The following KIF26A variants were observed in gnomAD, a reference collection of about 807,000 sequenced individuals.
The protein encoded by KIF26A is kinesin-like protein KIF26A.
A neutral mutation model predicts 126.0 loss-of-function variants in KIF26A; 74 were observed. The ratio of observed to expected loss-of-function variants is 0.59; its 90% confidence interval spans 0.49 to 0.71. The LOEUF is 0.71. Ranked by LOEUF, KIF26A falls within the 30% of genes least tolerant of loss-of-function variation. KIF26A has a pLI of 0.00. For missense variants in KIF26A, 2,984 were observed against 2,763.3 expected (o/e 1.08, Z -1.79); for synonymous variants, 1,445 against 1,232.7 (o/e 1.17, Z -3.61).
At position 104,173,523 on chromosome 14, in the gene KIF26A, A is replaced by C; in HGVS notation, c.1867+10A>C. 6.5e-7 allele frequency: 1 copy of C among 1,544,472 alleles called. No individual in the cohort carries two copies. The highest frequency in any genetic ancestry group is 1.2e-5 in the South Asian group (1 of 81,156). On this transcript the variant is annotated intron_variant, in intron 9 of 14. Transcript: ENST00000423312. ...TGCGGCCGGGGAGGAAGTAGGTGCC[A>C]CACCCGCACTCCCGGGCCCCTGTGG...
Position 104,177,310 on chromosome 14 carries a change from T to A in KIF26A, c.4522T>A (p.Ser1508Thr). The change falls in exon 12 of 15, where the codon TCG becomes ACG. Residue 1508 changes from serine (S) to threonine (T), a missense_variant. Coordinates refer to ENST00000423312, the MANE Select transcript of KIF26A (RefSeq NM_015656.2). ...GKGRGLVAGG[S>T]RALGPSVKLS... Reference sequence around the variant, plus strand: ...GGGCCGTGGCCTAGTGGCTGGTGGGTCGCGGGCTCTGGGGCCTTCGGTGAA... The same window carrying A: ...GGGCCGTGGCCTAGTGGCTGGTGGGACGCGGGCTCTGGGGCCTTCGGTGAA... The A allele has an allele frequency of 6.5e-7, 1 of 1,547,858 alleles. No individual in the cohort carries two copies. The highest frequency in any genetic ancestry group is 8.7e-7 in the Non-Finnish European group (1 of 1,151,184).
In KIF26A at chr14:104,173,455, CAT is replaced by C; in HGVS notation, c.1810_1811del (p.Met604ValfsTer35). On this transcript the variant is annotated frameshift_variant, in exon 9 of 15. Coordinates refer to ENST00000423312, the MANE Select transcript of KIF26A (RefSeq NM_015656.2). LOFTEE classifies it high-confidence loss of function. ...CGEDARRSSH[M>X]LFTLHVYQYR... ...GCGAGGACGCCCGACGCAGCTCCCACATGTTGTTCACGCTGCACGTCTACCAG... is the reference window on the plus strand; with the variant it reads ...GCGAGGACGCCCGACGCAGCTCCCACGTTGTTCACGCTGCACGTCTACCAG... 1 of 1,589,662 alleles carries C rather than the reference CAT, an allele frequency of 6.3e-7. No homozygotes were observed. The highest frequency in any genetic ancestry group is 8.6e-7 in the Non-Finnish European group (1 of 1,166,760).
chr14:104,164,703 GTA>G (rs373763874), intron 4 of KIF26A, among the ~76,000 whole-genome samples: 9 of 142,066 alleles, frequency 6.3e-5, no homozygotes, highest in African/African-American at 1.0e-4. Context: ...CTCTGTGTGT[GTA>G]TGTGTGTGAG....
At chr14:104,142,317 G>A (rs992956827) in intron 2 of KIF26A, among the ~76,000 whole-genome samples, 4 of 151,350 alleles carry the variant, frequency 2.6e-5, no homozygotes, top group East Asian at 1.9e-4. Flanking sequence ...GACTCTGGCC[G>A]TGGCTCCTGC....
intron 4 of KIF26A, among the ~76,000 whole-genome samples, chr14:104,159,630 G>A (rs1566858850): frequency 6.6e-6 from 1 of 152,212 alleles, no homozygotes; most frequent in South Asian, 2.1e-4. Flanking sequence ...CCAGCGCATC[G>A]GGCTGGGGAC....
At chr14:104,166,467 GC>G (rs2037903713) in intron 4 of KIF26A, among the ~76,000 whole-genome samples, 1 of 152,170 alleles carries the variant, frequency 6.6e-6, no homozygotes, top group South Asian at 2.1e-4. Context: ...GTGCATGGCT[GC>G]CCACAGCCTG....
intron 5 of KIF26A, among the ~76,000 whole-genome samples, chr14:104,169,692 G>C (rs2037939330): frequency 6.6e-6 from 1 of 152,224 alleles, no homozygotes; most frequent in Non-Finnish European, 1.5e-5. Flanking sequence ...TCATCACAGT[G>C]TGGTATAAAA....
rs1298170176 is a variant in KIF26A at position 104,151,661 on chromosome 14, C to A, written c.289-354C>A. ...TGAAGAGACGTTGCTTTTAAGGGGC[C>A]CTGCTTCTTGCCAGTCTCCTGCGTG... On this transcript the variant is annotated intron_variant, in intron 2 of 14. Coordinates refer to ENST00000423312, the MANE Select transcript of KIF26A (RefSeq NM_015656.2). The surrounding 1 kb of genome is among the most constrained non-coding windows in gnomAD (Gnocchi z 4.9). Among the ~76,000 whole-genome samples the A allele has an allele frequency of 6.6e-6, 1 of 152,218 alleles. No homozygotes were observed. Among genetic ancestry groups the A allele is most frequent in the Non-Finnish European group, 1.5e-5 (1 of 68,032 alleles).
Position 104,152,874 on chromosome 14 carries a change from T to C in KIF26A, c.735+413T>C, listed in dbSNP as rs2037743960. Among the ~76,000 whole-genome samples, 1 of 152,068 alleles carries C rather than the reference T, an allele frequency of 6.6e-6. No homozygotes were observed. Among genetic ancestry groups the C allele is most frequent in the Non-Finnish European group, 1.5e-5 (1 of 67,992 alleles). On this transcript the variant is annotated intron_variant, in intron 3 of 14. Transcript: ENST00000423312. The surrounding 1 kb of genome is among the most constrained non-coding windows in gnomAD (Gnocchi z 5.9). ...GAGGCCTGGGGGTGTGAGGCGTCCA[T>C]GGACGTCGGGCGGGGGACCGGCAGT... is the stretch of plus-strand genomic sequence containing the variant.
rs1478280220 is a variant in KIF26A at position 104,151,741 on chromosome 14, C to A, written c.289-274C>A. Among the ~76,000 whole-genome samples, 1 of 152,242 alleles carries A rather than the reference C, an allele frequency of 6.6e-6. No homozygotes were observed. Among genetic ancestry groups the A allele is most frequent in the Non-Finnish European group, 1.5e-5 (1 of 68,046 alleles). On this transcript the variant is annotated intron_variant, in intron 2 of 14. Transcript: ENST00000423312. This position sits in a 1 kb window ranked among gnomAD's most constrained non-coding sequence, Gnocchi z 4.9. ...GGTCCGGTTGTCCGGGAGCCGCAAA[C>A]CTGCCTTGTTAGCCGCAGGCCGGGG...
rs371137632 is a variant in KIF26A at position 104,166,979 on chromosome 14, G to A, written c.1044G>A (p.Pro348=). 1.2e-4 allele frequency: 189 copies of A among 1,582,438 alleles called. 1 individual carries two copies. The highest frequency in any genetic ancestry group is 3.5e-4 in the African/African-American group (26 of 74,404). Residue 348 remains proline, a synonymous_variant, in exon 5 of 15, where the codon CCG becomes CCA. Transcript: ENST00000423312. ...TDFSGVLQLW[P]PPAPPCLLRA... is the part of the protein sequence containing the mutation. ...TCAGCGGGGTCCTGCAGCTGTGGCCGCCCCCGGCGCCCCCCTGCCTGCTCA... is the reference window on the plus strand; with the variant it reads ...TCAGCGGGGTCCTGCAGCTGTGGCCACCCCCGGCGCCCCCCTGCCTGCTCA...
Position 104,157,930 on chromosome 14 carries a change from CCTT to C in KIF26A, c.916_918del (p.Phe306del), listed in dbSNP as rs752239234. On this transcript the variant is annotated inframe_deletion, in exon 4 of 15. Coordinates refer to ENST00000423312, the MANE Select transcript of KIF26A (RefSeq NM_015656.2). ...TCCACAGGCCCCTCAGCTGCAGCCTCCTTCTTCATAAGGTATGTCCTGGGGCTT... is the reference window on the plus strand; with the variant it reads ...TCCACAGGCCCCTCAGCTGCAGCCTCCTTCATAAGGTATGTCCTGGGGCTT... 11 of 1,513,696 alleles carry C rather than the reference CCTT, an allele frequency of 7.3e-6. No individual in the cohort carries two copies. Among genetic ancestry groups the C allele is most frequent in the South Asian group, 1.3e-5 (1 of 77,548 alleles). The allele number at this position is 1,513,696 out of a possible 1,614,324, so 93.8% of individuals were successfully genotyped here.
Position 104,175,226 on chromosome 14 carries a change from A to G in KIF26A, c.2438A>G (p.Asp813Gly). The change falls in exon 12 of 15, where the codon GAC (aspartate) becomes GGC (glycine). Residue 813 changes from aspartate (D) to glycine (G), a missense_variant. Coordinates refer to ENST00000423312, the MANE Select transcript of KIF26A (RefSeq NM_015656.2). ...RELTDNEGPPDFVPIIPALSR... is the reference protein window; with the variant it reads ...RELTDNEGPPGFVPIIPALSR... ...CTCACCGACAACGAAGGTCCGCCTG[A>G]CTTCGTGCCCATCATCCCTGCCCTG... 1 of 1,609,640 alleles carries G rather than the reference A, an allele frequency of 6.2e-7. No individual in the cohort carries two copies. The highest frequency in any genetic ancestry group is 8.5e-7 in the Non-Finnish European group (1 of 1,179,500).
At chr14:104,156,172 T>C (rs2037775492) in intron 3 of KIF26A, among the ~76,000 whole-genome samples, 1 of 152,220 alleles carries the variant, frequency 6.6e-6, no homozygotes, top group African/African-American at 2.4e-5. Context: ...CAGGACCTGC[T>C]GTTAATGTTG....
chr14:104,145,039 G>A (rs1477356158), intron 2 of KIF26A, among the ~76,000 whole-genome samples: 1 of 152,200 alleles, frequency 6.6e-6, no homozygotes, highest in Non-Finnish European at 1.5e-5. Context: ...TCTGAGCTCT[G>A]CACCCACGCT....
At position 104,176,891 on chromosome 14, in the gene KIF26A, A is replaced by G. The variant is rs1238471461; in HGVS notation, c.4103A>G (p.Lys1368Arg). ...GCCCCCCCGGCCCCACCCACGCGGAAGTCCAGCCTGGAGCAGAGGAGCAGC... is the reference window on the plus strand; with the variant it reads ...GCCCCCCCGGCCCCACCCACGCGGAGGTCCAGCCTGGAGCAGAGGAGCAGC... Reference protein sequence around the residue: ...GAAPPAPPTRKSSLEQRSSPA... With the variant: ...GAAPPAPPTRRSSLEQRSSPA... The change falls in exon 12 of 15, where the codon AAG becomes AGG. Residue 1368 changes from lysine (K) to arginine (R), a missense_variant. By Grantham distance (26) the Lys-to-Arg change is conservative (BLOSUM62 2). Transcript: ENST00000423312. The G allele has an allele frequency of 1.9e-6, 3 of 1,541,274 alleles. No individual in the cohort carries two copies. Among genetic ancestry groups the G allele is most frequent in the African/African-American group, 2.7e-5 (2 of 72,918 alleles).
Position 104,175,827 on chromosome 14 carries a change from G to A in KIF26A, c.3039G>A (p.Leu1013=), listed in dbSNP as rs778079576. The change falls in exon 12 of 15, where the codon CTG becomes CTA. Residue 1013 remains leucine, a synonymous_variant. Transcript: ENST00000423312. ...AAGSRCPERG[L]LTTTVTLQRP... ...GCAGTCGCTGTCCGGAGCGGGGCCTGCTCACCACCACAGTGACCCTGCAGC... is the reference window on the plus strand; with the variant it reads ...GCAGTCGCTGTCCGGAGCGGGGCCTACTCACCACCACAGTGACCCTGCAGC... 2.0e-5 allele frequency: 31 copies of A among 1,538,630 alleles called. No homozygotes were observed. Among genetic ancestry groups the A allele is most frequent in the Non-Finnish European group, 2.4e-5 (28 of 1,147,140 alleles).
intron 4 of KIF26A, among the ~76,000 whole-genome samples, chr14:104,160,729 C>T (rs2039896): frequency 0.46 from 70,075 of 152,114 alleles, 16,217 homozygotes; most frequent in Middle Eastern, 0.5. Context: ...TTTGTGCCGG[C>T]GCTGGGAGCC....
chr14:104,177,404 G>A lies in KIF26A; in HGVS notation c.4616G>A (p.Arg1539Gln), dbSNP rs1596151902. The A allele has an allele frequency of 5.3e-6, 8 of 1,496,076 alleles. No individual in the cohort carries two copies. Among genetic ancestry groups the A allele is most frequent in the Middle Eastern group, 1.7e-4 (1 of 5,816 alleles). The allele number at this position is 1,496,076 out of a possible 1,614,324, so 92.7% of individuals were successfully genotyped here. A position where few individuals can be genotyped will look rare whatever the true frequency, so the allele number is the denominator to read the frequency against. The change falls in exon 12 of 15, where the codon CGG becomes CAG. Residue 1539 changes from arginine to glutamine, a missense_variant. Arg to Gln is a conservative substitution (Grantham distance 43). Transcript: ENST00000423312. ...GTGGCCGGTCCCAGAGCAGCCCCAC[G>A]GGCCGGGCCCAGTGTCGGGGCGAAG... ...GPVAGPRAAP[R>Q]AGPSVGAKAG...
Sources: gnomAD v4.1 joint callset for allele counts (sites outside exome capture counted in the v4.1 genomes callset) on GRCh38, gnomAD v4.1.1 for gene constraint, Gnocchi (gnomAD v3.1) non-coding constraint, MANE v1.5 for transcripts, NCBI Gene and HGNC (gene_info 2026-07-23, HGNC 2026-07-21) for gene names.